LRP2: variants seen among roughly 807,000 people sequenced by gnomAD.
The protein encoded by LRP2 is LDL receptor related protein 2.
In LRP2, 172 loss-of-function variants were observed where a neutral mutation model predicts 531.0. That is an observed-to-expected ratio of 0.32 (90% CI 0.29 to 0.37). The LOEUF (loss-of-function observed/expected upper bound fraction) is 0.37. LRP2 is among the 10% of genes least tolerant of loss of function. The pLI is 1.00. For missense variants in LRP2, 5,167 were observed against 5,868.3 expected (o/e 0.88, Z 3.90); for synonymous variants, 1,992 against 2,027.6 (o/e 0.98, Z 0.47).
At chr2:169,192,726 C>CA (rs1687873553) in intron 47 of LRP2, among the ~76,000 whole-genome samples, 1 of 152,106 alleles carries the variant, frequency 6.6e-6, no homozygotes, top group African/African-American at 2.4e-5. Context: ...AGACTCATTG[C>CA]AGGTGAATAG....
chr2:169,247,082 T>A, intron 20 of LRP2, 96 bp from the exon 21 acceptor site: 1 of 1,397,956 alleles, frequency 7.2e-7, no homozygotes, highest in Non-Finnish European at 9.9e-7. Flanking sequence ...GGACAAAACA[T>A]TTTTCAGACC....
intron 34 of LRP2, among the ~76,000 whole-genome samples, chr2:169,217,885 T>C (rs1391784871): frequency 6.6e-6 from 1 of 152,178 alleles, no homozygotes; most frequent in Non-Finnish European, 1.5e-5. Flanking sequence ...CATTTTCCTG[T>C]TACATTTTGA....
chr2:169,329,849 T>C (rs2105536060), intron 1 of LRP2, among the ~76,000 whole-genome samples: 1 of 152,232 alleles, frequency 6.6e-6, no homozygotes, highest in East Asian at 1.9e-4. Flanking sequence ...GGCTACAAAC[T>C]GGTACTGGTC....
intron 60 of LRP2, among the ~76,000 whole-genome samples, chr2:169,169,102 A>C (rs1686896508): frequency 6.6e-6 from 1 of 152,234 alleles, no homozygotes; most frequent in Non-Finnish European, 1.5e-5. Flanking sequence ...CTCAAATCTG[A>C]GTAATCATGT....
At chr2:169,327,409 G>C (rs1685113930) in intron 1 of LRP2, among the ~76,000 whole-genome samples, 1 of 129,524 alleles carries the variant, frequency 7.7e-6, no homozygotes, top group African/African-American at 3.0e-5. Flanking sequence ...CCCTCTGCCG[G>C]GCCAGCCACC....
intron 46 of LRP2, among the ~76,000 whole-genome samples, chr2:169,195,663 G>A (rs1009440082): frequency 6.6e-6 from 1 of 151,952 alleles, no homozygotes; most frequent in Admixed American, 6.6e-5. Flanking sequence ...TCATATATTT[G>A]AACCAATAAT....
At chr2:169,355,966 C>G (rs1331063888) in intron 1 of LRP2, among the ~76,000 whole-genome samples, 1 of 152,194 alleles carries the variant, frequency 6.6e-6, no homozygotes, top group Admixed American at 6.5e-5. Context: ...TCACAGCTCA[C>G]TGTAGCCTCG....
At chr2:169,149,329 G>A (rs932979096) in intron 68 of LRP2, among the ~76,000 whole-genome samples, 2 of 152,260 alleles carry the variant, frequency 1.3e-5, no homozygotes, top group East Asian at 1.9e-4. Context: ...ATCTTATACC[G>A]CAGAAGCTGT....
At chr2:169,160,189 T>C (rs972102085) in intron 63 of LRP2, among the ~76,000 whole-genome samples, 4 of 152,184 alleles carry the variant, frequency 2.6e-5, no homozygotes, top group Non-Finnish European at 5.9e-5. Flanking sequence ...TTAATTTCTT[T>C]CCTTTATACC....
chr2:169,307,176 C>T, intron 4 of LRP2, 105 bp downstream of exon 4: 2 of 801,684 alleles, frequency 2.5e-6, no homozygotes, highest in Admixed American at 3.5e-5. Flanking sequence ...TAACAAGAGG[C>T]ATATTGTAGG....
intron 1 of LRP2, among the ~76,000 whole-genome samples, chr2:169,356,873 T>C (rs1686002120): frequency 1.3e-5 from 2 of 152,190 alleles, no homozygotes; most frequent in African/African-American, 2.4e-5. Flanking sequence ...TATTTCAGAA[T>C]CTTAAATGCA....
chr2:169,307,198 A>G (rs1267192500), intron 4 of LRP2, 83 bp downstream of exon 4: 6 of 932,076 alleles, frequency 6.4e-6, no homozygotes, highest in Admixed American at 1.7e-5. Context: ...ATTTATGTCC[A>G]TCAACAAATC....
chr2:169,193,649 G>A, intron 47 of LRP2, 112 bp downstream of exon 47: 2 of 1,288,980 alleles, frequency 1.6e-6, no homozygotes, highest in Non-Finnish European at 2.3e-6. Flanking sequence ...TTCTATCAGT[G>A]TCCATTCAAT....
At chr2:169,179,154 G>T (rs1687330147) in intron 52 of LRP2, among the ~76,000 whole-genome samples, 1 of 151,966 alleles carries the variant, frequency 6.6e-6, no homozygotes, top group Non-Finnish European at 1.5e-5. Flanking sequence ...GGACAGGCAG[G>T]TGCCAGCACA....
intron 48 of LRP2, among the ~76,000 whole-genome samples, chr2:169,191,094 G>T (rs1415824079): frequency 2.0e-5 from 3 of 152,206 alleles, no homozygotes; most frequent in Non-Finnish European, 4.4e-5. Context: ...TTTGTTTCCA[G>T]CATTTAAAAT....
chr2:169,358,470 T>C (rs1389921332), intron 1 of LRP2, among the ~76,000 whole-genome samples: 2 of 152,026 alleles, frequency 1.3e-5, no homozygotes, highest in African/African-American at 4.8e-5. Flanking sequence ...CAGGCAGAAG[T>C]CTTATGAAGA....
Position 169,302,417 on chromosome 2 carries a change from C to G in LRP2, c.427+4864G>C, listed in dbSNP as rs571315808. 6.6e-5 allele frequency among the ~76,000 whole-genome samples: 10 copies of G among 152,186 alleles called. No homozygotes were observed. In the South Asian group the frequency reaches 2.1e-3, roughly 32 times the overall value. ...CACCAAGAAAATCCTTGCACCTGTT[C>G]AGTCCCCTAAATCAGTGGTTCTCAA... On this transcript the variant is annotated intron_variant, in intron 4 of 78. Transcript: ENST00000649046.
Position 169,206,432 on chromosome 2 carries a change from T to C in LRP2, c.7288A>G (p.Ser2430Gly), listed in dbSNP as rs755550208. 6.2e-7 allele frequency: 1 copy of C among 1,614,020 alleles called. No homozygotes were observed. The highest frequency in any genetic ancestry group is 8.5e-7 in the Non-Finnish European group (1 of 1,179,984). The change falls in exon 39 of 79, where the codon AGT (serine) becomes GGT (glycine). Residue 2430 changes from serine to glycine, a missense_variant. By Grantham distance (56) the Ser-to-Gly change is moderately conservative. Around this residue, in one of 6 missense-constraint regions of LRP2, gnomAD observed 2,811 missense variants for 3,058.0 expected, o/e 0.92. Transcript: ENST00000649046. ...TTTTGTGTGAAGTAGATTCTATCAC[T>C]TACACTGTCATAGTCTAGAGACATG... ...TVMSLDYDSV[S>G]DRIYFTQNLA...
rs2239590 is a variant in LRP2 at position 169,145,551 on chromosome 2, A to T, written c.12988+196T>A. Among the ~76,000 whole-genome samples, 109,533 of 152,108 alleles carry T rather than the reference A, an allele frequency of 0.72. 39,903 individuals carry two copies. The highest frequency in any genetic ancestry group is 0.86 in the South Asian group (4,134 of 4,832). ...ATGGTTTGCATAATTTCATTTGACC[A>T]CCAATTTTATCTTTCTTTGGTGAAA... On this transcript the variant is annotated intron_variant, in intron 70 of 78. Coordinates refer to ENST00000649046, the MANE Select transcript of LRP2 (RefSeq NM_004525.3).
Sources: gnomAD v4.1 joint callset for allele counts (sites outside exome capture counted in the v4.1 genomes callset) on GRCh38, gnomAD v4.1.1 for gene constraint, gnomAD v4.1.1 regional missense constraint, MANE v1.5 for transcripts, NCBI Gene and HGNC (gene_info 2026-07-23, HGNC 2026-07-21) for gene names.